Variants in FOXM1 observed in about 807,000 individuals in gnomAD.
The protein encoded by FOXM1 is forkhead box protein M1.
In FOXM1, 25 loss-of-function variants were observed where a neutral mutation model predicts 63.6. That is an observed-to-expected ratio of 0.39 (90% CI 0.29 to 0.55). The LOEUF (loss-of-function observed/expected upper bound fraction) is 0.55. Ranked by LOEUF, FOXM1 falls within the 20% of genes least tolerant of loss-of-function variation. The pLI, the probability that FOXM1 is intolerant of heterozygous loss-of-function variation, is 0.60. For synonymous variants in FOXM1, 387 were observed against 376.9 expected, an observed-to-expected ratio of 1.03 and a Z score of -0.31; for missense variants, 879 against 958.7, an observed-to-expected ratio of 0.92 and a Z score of 1.10.
chr12:2,869,592 C>T (rs938763364), intron 3 of FOXM1, among the ~76,000 whole-genome samples: 4 of 152,058 alleles, frequency 2.6e-5, no homozygotes, highest in African/African-American at 4.8e-5. Context: ...CCTGCCACCA[C>T]GCCCAGCTAC....
chr12:2,858,690 G>T lies in FOXM1; in HGVS notation c.2240C>A (p.Pro747Gln). 6.2e-7 allele frequency: 1 copy of T among 1,614,174 alleles called. No individual in the cohort carries two copies. Among genetic ancestry groups the T allele is most frequent in the East Asian group, 2.2e-5 (1 of 44,886 alleles). Residue 747 changes from proline to glutamine, a missense_variant, in exon 9 of 9, where the codon CCA becomes CAA. Pro to Gln is a moderately conservative substitution (Grantham distance 76). Around this residue, in one of 4 missense-constraint regions of FOXM1, gnomAD observed 486 missense variants for 453.5 expected, o/e 1.07. Coordinates refer to ENST00000359843, the MANE Select transcript of FOXM1 (RefSeq NM_021953.4). ...CCAGTTGATGTTGTCAGGGCCCAGT[G>T]GGTCCTCGTCCAGGCCAGGAAAGCT... The part of the protein sequence containing the change: ...DISFPGLDED[P>Q]LGPDNINWSQ...
chr12:2,859,356 C>T lies in FOXM1; in HGVS notation c.1574G>A (p.Arg525Gln), dbSNP rs780641311. 13 of 1,613,728 alleles carry T rather than the reference C, an allele frequency of 8.1e-6. No individual in the cohort carries two copies. Among genetic ancestry groups the T allele is most frequent in the African/African-American group, 4.0e-5 (3 of 74,982 alleles). Residue 525 changes from arginine to glutamine, a missense_variant, in exon 9 of 9, where the codon CGG becomes CAG. Arg to Gln is a conservative substitution (Grantham distance 43, BLOSUM62 1). This residue lies in a region of FOXM1 where 486 missense variants were observed against 453.5 expected (regional missense o/e 1.07). Transcript: ENST00000359843. ...KSYSGLRSPT[R>Q]CVSEMLVIQH... ...AATCACAAGCATTTCCGAGACACAC[C>T]GGGTTGGGGACCTAAGCCCACTGTA...
At chr12:2,860,083 G>T (rs564239200) in intron 8 of FOXM1, among the ~76,000 whole-genome samples, 1 of 152,238 alleles carries the variant, frequency 6.6e-6, no homozygotes, top group South Asian at 2.1e-4. Context: ...GAGAATCTAG[G>T]AGACTACATA....
chr12:2,871,734 G>A (rs552680174), intron 3 of FOXM1, among the ~76,000 whole-genome samples: 4 of 151,878 alleles, frequency 2.6e-5, no homozygotes, highest in African/African-American at 4.8e-5. Flanking sequence ...AAATTAACTT[G>A]TTGTATTCTA....
chr12:2,867,106 T>A (rs1002298997), intron 4 of FOXM1, among the ~76,000 whole-genome samples: 1 of 151,652 alleles, frequency 6.6e-6, no homozygotes, highest in Non-Finnish European at 1.5e-5. Flanking sequence ...TTAGCCAAGA[T>A]CATGTCACTG....
At chr12:2,865,645 T>A (rs201639615) in intron 5 of FOXM1, among the ~76,000 whole-genome samples, 529 of 4,306 alleles carry the variant, frequency 0.12, 6 homozygotes, top group African/African-American at 0.26. Context: ...AAGGCAGGCT[T>A]TTTTTTTTTT....
At position 2,858,865 on chromosome 12, in the gene FOXM1, AG is replaced by A. The variant is rs1397912935; in HGVS notation, c.2064del (p.Phe689LeufsTer9). On this transcript the variant is annotated frameshift_variant, in exon 9 of 9. Coordinates refer to ENST00000359843, the MANE Select transcript of FOXM1 (RefSeq NM_021953.4). LOFTEE classifies it high-confidence loss of function. Reference protein sequence around the residue: ...SSEPLDLISVPFGNSSPSDID... With the variant: ...SSEPLDLISVXFGNSSPSDID... ...ATATCTGAGGGAGAAGAGTTGCCAA[AG>A]GGGACGGAGATGAGGTCTAAGGGTT... The A allele has an allele frequency of 6.2e-7, 1 of 1,614,098 alleles. No homozygotes were observed. Among genetic ancestry groups the A allele is most frequent in the South Asian group, 1.1e-5 (1 of 91,076 alleles).
Position 2,858,571 on chromosome 12 carries a change from G to C in FOXM1, c.*67C>G, listed in dbSNP as rs761010783. 3 of 1,378,480 alleles carry C rather than the reference G, an allele frequency of 2.2e-6. No individual in the cohort carries two copies. In the East Asian group the frequency reaches 7.0e-5, roughly 32 times the overall value. The allele number at this position is 1,378,480 out of a possible 1,614,324, so 85.4% of individuals were successfully genotyped here. On this transcript the variant is annotated 3_prime_UTR_variant, in exon 9 of 9. Transcript: ENST00000359843. ...GCCTGCTGTCCTCACTCAGAGGCTTGGGGTGCACTGAGCCTTGGAGTGCCC... is the reference window on the plus strand; with the variant it reads ...GCCTGCTGTCCTCACTCAGAGGCTTCGGGTGCACTGAGCCTTGGAGTGCCC...
intron 8 of FOXM1, chr12:2,863,738 G>C (rs1414556697): frequency 1.3e-5 from 2 of 148,298 alleles, no homozygotes; most frequent in African/African-American, 5.0e-5. Flanking sequence ...TTGAGACAGA[G>C]TCTCGCTCTG....
chr12:2,866,386 C>A lies in FOXM1; in HGVS notation c.975+7G>T, dbSNP rs2098123183. On this transcript the variant is annotated splice_region_variant and intron_variant, in intron 5 of 8. Transcript: ENST00000359843. ...AGGCCCTATTTAGAGGAAAGCAGGG[C>A]ATTCACCTTAAACACCTGGTCCAAT... 1.4e-6 allele frequency: 2 copies of A among 1,452,404 alleles called. No homozygotes were observed. The highest frequency in any genetic ancestry group is 2.7e-5 in the East Asian group (1 of 37,244). The allele number at this position is 1,452,404 out of a possible 1,614,324, so 90.0% of individuals were successfully genotyped here. A position where few individuals can be genotyped will look rare whatever the true frequency, so the allele number is the denominator to read the frequency against.
intron 2 of FOXM1, among the ~76,000 whole-genome samples, chr12:2,873,511 G>A (rs1464539747): frequency 2.0e-5 from 3 of 151,414 alleles, no homozygotes; most frequent in East Asian, 1.9e-4. Flanking sequence ...TCAGGAGTCC[G>A]AGACCAGCCT....
At position 2,859,077 on chromosome 12, in the gene FOXM1, G is replaced by A; in HGVS notation, c.1853C>T (p.Pro618Leu). The change falls in exon 9 of 9, where the codon CCC (proline) becomes CTC (leucine). Residue 618 changes from proline to leucine, a missense_variant. Pro to Leu is a moderately conservative substitution (Grantham distance 98, BLOSUM62 -3). Transcript: ENST00000359843. The part of the protein sequence containing the change: ...ISSTPSKSVL[P>L]RTPESWRLTP... Reference sequence around the variant, plus strand: ...GAGCCTCCAGGATTCAGGGGTTCTGGGGAGGACAGATTTGCTCGGGGTGGA... The same window carrying A: ...GAGCCTCCAGGATTCAGGGGTTCTGAGGAGGACAGATTTGCTCGGGGTGGA... 1 of 1,608,160 alleles carries A rather than the reference G, an allele frequency of 6.2e-7. No homozygotes were observed. Among genetic ancestry groups the A allele is most frequent in the Non-Finnish European group, 8.5e-7 (1 of 1,177,552 alleles).
In FOXM1 at chr12:2,872,270, C is replaced by A. The variant is rs2098134462; in HGVS notation, c.503-23G>T. On this transcript the variant is annotated intron_variant, in intron 2 of 8. Coordinates refer to ENST00000359843, the MANE Select transcript of FOXM1 (RefSeq NM_021953.4). The surrounding 1 kb of genome is among the most constrained non-coding windows in gnomAD (Gnocchi z 4.0). The stretch of plus-strand genomic sequence containing the variant: ...CTGCTAGAGGGAAAATAATCCAACA[C>A]CCCACTTAGCTGCCTCATCAGATGC... 6.2e-7 allele frequency: 1 copy of A among 1,612,648 alleles called. No homozygotes were observed.
intron 3 of FOXM1, 77 bp from the exon 4 acceptor site, chr12:2,868,831 T>A: frequency 8.7e-7 from 1 of 1,150,844 alleles, no homozygotes; most frequent in Non-Finnish European, 1.2e-6. Flanking sequence ...GAAGAACATC[T>A]AGAGAAACCT....
At chr12:2,873,928 C>G in intron 2 of FOXM1, 49 bp downstream of exon 2, 1 of 1,564,008 alleles carries the variant, frequency 6.4e-7, no homozygotes, top group Non-Finnish European at 8.7e-7. Flanking sequence ...CTTGCCACTA[C>G]AGAGGAAAGG....
At chr12:2,860,923 C>T (rs57547170) in intron 8 of FOXM1, among the ~76,000 whole-genome samples, 2,639 of 149,216 alleles carry the variant, frequency 0.018, 104 homozygotes, top group African/African-American at 0.062. Context: ...AATCCCAGCA[C>T]TTTGGGAGGC....
chr12:2,860,472 G>T (rs1189560914), intron 8 of FOXM1, among the ~76,000 whole-genome samples: 1 of 152,088 alleles, frequency 6.6e-6, no homozygotes, highest in Non-Finnish European at 1.5e-5. Context: ...AGGCAACATA[G>T]CAAGATCCTG....
At chr12:2,875,727 CT>C (rs11427501) in intron 1 of FOXM1, among the ~76,000 whole-genome samples, 2 of 144,666 alleles carry the variant, frequency 1.4e-5, no homozygotes, top group Non-Finnish European at 1.5e-5. Context: ...ACAGTGTAGT[CT>C]TTTTTTTTTA....
rs28990693 is a variant in FOXM1 at position 2,872,079 on chromosome 12, G to A, written c.654+17C>T. The A allele has an allele frequency of 5.6e-4, 896 of 1,613,838 alleles. 6 individuals are homozygous for A. The East Asian group carries it at 0.018, about 32-fold the overall frequency. ...ACACTGGATCTGATTTCTTTAGTGA[G>A]GGACGGAACAATTCACCTTAACCTG... On this transcript the variant is annotated intron_variant, in intron 3 of 8. Coordinates refer to ENST00000359843, the MANE Select transcript of FOXM1 (RefSeq NM_021953.4). This position sits in a 1 kb window ranked among gnomAD's most constrained non-coding sequence, Gnocchi z 4.0.
Sources: gnomAD v4.1 joint callset for allele counts (sites outside exome capture counted in the v4.1 genomes callset) on GRCh38, gnomAD v4.1.1 for gene constraint, gnomAD v4.1.1 regional missense constraint, Gnocchi (gnomAD v3.1) non-coding constraint, MANE v1.5 for transcripts, NCBI Gene and HGNC (gene_info 2026-07-23, HGNC 2026-07-21) for gene names.